The following LRRIQ3 variants were observed in gnomAD, a reference collection of about 807,000 sequenced individuals.
The protein encoded by LRRIQ3 is leucine rich repeats and IQ motif containing 3, also known as leucine-rich repeat and IQ domain-containing protein 3.
A neutral mutation model predicts 59.3 loss-of-function variants in LRRIQ3; 75 were observed. The ratio of observed to expected loss-of-function variants is 1.26; its 90% CI spans 1.05 to 1.53. The LOEUF (loss-of-function observed/expected upper bound fraction) is 1.53. Among genes scored for constraint, LRRIQ3 ranks in the 40% most tolerant of loss-of-function variants. The probability of loss-of-function intolerance (pLI) is 0.00; values close to 1 mark genes in which losing one functional copy is unlikely to be tolerated. For missense variants in LRRIQ3, 831 were observed against 710.0 expected (o/e 1.17, Z -1.94); for synonymous variants, 250 against 231.3 (o/e 1.08, Z -0.73).
intron 4 of LRRIQ3, among the ~76,000 whole-genome samples, chr1:74,144,999 T>C (rs1647472094): frequency 6.6e-6 from 1 of 152,102 alleles, no homozygotes; most frequent in Non-Finnish European, 1.5e-5. Context: ...CAGATCAATC[T>C]TGCTTATTAT....
At chr1:74,128,050 T>C (rs1321317014) in intron 4 of LRRIQ3, among the ~76,000 whole-genome samples, 1 of 152,076 alleles carries the variant, frequency 6.6e-6, no homozygotes, top group Non-Finnish European at 1.5e-5. Flanking sequence ...CATTCTCTCC[T>C]GGCCTAAAAG....
intron 4 of LRRIQ3, among the ~76,000 whole-genome samples, chr1:74,149,421 AT>A (rs1377631528): frequency 9.9e-5 from 15 of 152,158 alleles, no homozygotes; most frequent in African/African-American, 3.1e-4. Flanking sequence ...TCTTCACAGA[AT>A]TTTTTCATAT....
At chr1:74,075,450 C>G (rs1646196081) in intron 5 of LRRIQ3, among the ~76,000 whole-genome samples, 1 of 151,910 alleles carries the variant, frequency 6.6e-6, no homozygotes, top group South Asian at 2.1e-4. Flanking sequence ...GCCTGTAATC[C>G]CAGCTACTCA....
At chr1:74,036,975 T>C (rs1306585437) in intron 7 of LRRIQ3, among the ~76,000 whole-genome samples, 1 of 152,378 alleles carries the variant, frequency 6.6e-6, no homozygotes, top group Non-Finnish European at 1.5e-5. Context: ...ATTATCTTCA[T>C]TGTAAAAGCA....
Position 74,041,787 on chromosome 1 carries a change from G to T in LRRIQ3, c.1144C>A (p.Pro382Thr), listed in dbSNP as rs764577654. ...GGATGAGTAGTATAGATTGGCTGAG[G>T]ATATGCAGGAAAAAAATGTTGTTTT... ...EKKQHFFPAY[P>T]QPIYTTHPKP... The change falls in exon 7 of 8, where the codon CCT becomes ACT. Residue 382 changes from proline (P) to threonine (T), a missense_variant. Physicochemically the swap from Pro to Thr is conservative, Grantham distance 38. Transcript: ENST00000354431. The T allele has an allele frequency of 2.5e-6, 4 of 1,613,496 alleles. No individual in the cohort carries two copies. Among genetic ancestry groups the T allele is most frequent in the Non-Finnish European group, 3.4e-6 (4 of 1,179,706 alleles).
intron 4 of LRRIQ3, among the ~76,000 whole-genome samples, chr1:74,144,014 A>G (rs1295326121): frequency 6.6e-6 from 1 of 151,920 alleles, no homozygotes; most frequent in Non-Finnish European, 1.5e-5. Flanking sequence ...AGCATTAACG[A>G]TGTACATTTA....
chr1:74,151,574 A>G (rs1647964615), intron 4 of LRRIQ3, among the ~76,000 whole-genome samples: 2 of 150,526 alleles, frequency 1.3e-5, no homozygotes, highest in Admixed American at 1.3e-4. Flanking sequence ...CAAAACAAAT[A>G]GAACAGAAGC....
intron 3 of LRRIQ3, among the ~76,000 whole-genome samples, chr1:74,178,685 T>C (rs1393835683): frequency 6.6e-6 from 1 of 152,172 alleles, no homozygotes; most frequent in Non-Finnish European, 1.5e-5. Context: ...TGGTTTTGTT[T>C]AGGAAGTAAA....
chr1:74,059,032 C>A (rs1048011776), intron 6 of LRRIQ3, among the ~76,000 whole-genome samples: 1 of 151,768 alleles, frequency 6.6e-6, no homozygotes, highest in Admixed American at 6.6e-5. Flanking sequence ...TCATTAAATT[C>A]TTTATTTGTA....
chr1:74,122,526 A>G (rs767948759), intron 4 of LRRIQ3, among the ~76,000 whole-genome samples: 4 of 152,096 alleles, frequency 2.6e-5, no homozygotes, highest in Admixed American at 1.3e-4. Context: ...ATAATGCCGC[A>G]TATCTACAAT....
intron 4 of LRRIQ3, among the ~76,000 whole-genome samples, chr1:74,121,292 C>T (rs1158846395): frequency 6.6e-6 from 1 of 152,026 alleles, no homozygotes; most frequent in East Asian, 1.9e-4. Context: ...AAGTGCCATC[C>T]AACTTTTCCA....
At chr1:74,171,440 C>A (rs1366612336) in intron 3 of LRRIQ3, among the ~76,000 whole-genome samples, 4 of 152,132 alleles carry the variant, frequency 2.6e-5, no homozygotes, top group African/African-American at 9.7e-5. Context: ...TAATGTGGTG[C>A]ATCACATTGA....
At chr1:74,099,010 C>T (rs1033421591) in intron 5 of LRRIQ3, among the ~76,000 whole-genome samples, 3 of 151,964 alleles carry the variant, frequency 2.0e-5, no homozygotes, top group African/African-American at 7.3e-5. Context: ...GAAGCAAGAG[C>T]AAACACATTC....
chr1:74,028,073 C>T (rs1653574531), intron 7 of LRRIQ3, among the ~76,000 whole-genome samples: 1 of 151,966 alleles, frequency 6.6e-6, no homozygotes. Context: ...ATATCACGAA[C>T]ATGGTCAAAA....
At chr1:74,156,799 A>C (rs1194956977) in intron 3 of LRRIQ3, among the ~76,000 whole-genome samples, 3 of 152,106 alleles carry the variant, frequency 2.0e-5, no homozygotes, top group African/African-American at 2.4e-5. Context: ...CTTTCCTGAA[A>C]ATTTTTAGAT....
At chr1:74,156,037 T>C (rs1222404992) in intron 3 of LRRIQ3, among the ~76,000 whole-genome samples, 171 bp from the exon 4 acceptor site, 1 of 152,204 alleles carries the variant, frequency 6.6e-6, no homozygotes, top group Non-Finnish European at 1.5e-5. Context: ...CCTCCAAATC[T>C]TATGTTGAAA....
At chr1:74,184,450 G>C (rs1324343649) in intron 1 of LRRIQ3, among the ~76,000 whole-genome samples, 1 of 152,092 alleles carries the variant, frequency 6.6e-6, no homozygotes, top group African/African-American at 2.4e-5. Flanking sequence ...TGGTCTATTT[G>C]GAAGTATGTT....
chr1:74,031,770 T>C (rs1306501477), intron 7 of LRRIQ3, among the ~76,000 whole-genome samples: 3 of 151,844 alleles, frequency 2.0e-5, no homozygotes, highest in African/African-American at 4.8e-5. Context: ...ATAAAAAATA[T>C]ATTTAAAAAA....
intron 4 of LRRIQ3, among the ~76,000 whole-genome samples, chr1:74,128,266 G>A (rs1363986908): frequency 6.6e-6 from 1 of 151,908 alleles, no homozygotes; most frequent in African/African-American, 2.4e-5. Context: ...CTTTCTCTAG[G>A]TTTGGGAAGT....
Sources: allele counts gnomAD v4.1 joint callset (sites outside exome capture counted in the v4.1 genomes callset), GRCh38; gene constraint gnomAD v4.1.1; transcripts MANE v1.5; gene names NCBI Gene and HGNC (gene_info 2026-07-23, HGNC 2026-07-21).